FMN1: variants seen among roughly 807,000 people sequenced by gnomAD.
FMN1 encodes formin 1.
Under a neutral mutation model 132.4 loss-of-function variants are expected in FMN1, and 110 were observed. The observed-to-expected ratio is 0.83, with a 90% CI of 0.71 to 0.97. The LOEUF is 0.97. Ranked by LOEUF, FMN1 falls within the 50% of genes least tolerant of loss-of-function variation. FMN1 has a pLI of 0.00. For synonymous variants in FMN1, 722 were observed against 651.7 expected, an observed-to-expected ratio of 1.11 and a Z score of -1.64; for missense variants, 1,792 against 1,705.3, an observed-to-expected ratio of 1.05 and a Z score of -0.90.
intron 6 of FMN1, among the ~76,000 whole-genome samples, chr15:33,014,164 C>CA (rs1489005042): frequency 1.3e-5 from 2 of 152,224 alleles, no homozygotes; most frequent in Non-Finnish European, 2.9e-5. Flanking sequence ...GGTGAATGCT[C>CA]ACTTTGAGAG....
At chr15:33,004,660 C>T (rs1407239320) in intron 7 of FMN1, among the ~76,000 whole-genome samples, 2 of 152,144 alleles carry the variant, frequency 1.3e-5, no homozygotes, top group Admixed American at 6.5e-5. Context: ...ACTAGAAATA[C>T]CATTTGACCC....
At chr15:32,826,051 C>T (rs565745629) in intron 17 of FMN1, among the ~76,000 whole-genome samples, 13 of 152,178 alleles carry the variant, frequency 8.5e-5, no homozygotes, top group Non-Finnish European at 1.9e-4. Flanking sequence ...GTTTGGATAA[C>T]AAAACTCGAA....
chr15:32,836,798 C>A (rs192855471), intron 17 of FMN1, among the ~76,000 whole-genome samples: 394 of 152,254 alleles, frequency 2.6e-3, no homozygotes, highest in African/African-American at 9.1e-3. Context: ...AACGTGCTCA[C>A]TTGGAGCCCA....
chr15:32,861,395 G>A (rs554035657), intron 16 of FMN1, among the ~76,000 whole-genome samples: 6 of 152,272 alleles, frequency 3.9e-5, no homozygotes, highest in African/African-American at 1.4e-4. Context: ...CCATCAAATT[G>A]CTCCAATTTT....
At chr15:32,929,203 T>G (rs1567411088) in intron 9 of FMN1, among the ~76,000 whole-genome samples, 1 of 152,236 alleles carries the variant, frequency 6.6e-6, no homozygotes, top group East Asian at 1.9e-4. Flanking sequence ...TTTTGTATTC[T>G]CTTCCCTACC....
At chr15:33,055,913 A>T (rs1296129644) in intron 6 of FMN1, among the ~76,000 whole-genome samples, 1 of 152,204 alleles carries the variant, frequency 6.6e-6, no homozygotes, top group African/African-American at 2.4e-5. Flanking sequence ...AAAGAGAGAC[A>T]ATTCATTAAA....
intron 10 of FMN1, among the ~76,000 whole-genome samples, chr15:32,914,389 A>C (rs555038746): frequency 6.6e-6 from 1 of 152,340 alleles, no homozygotes; most frequent in East Asian, 1.9e-4. Context: ...GAAGCAGCAG[A>C]TAATAGGCTC....
At position 32,773,428 on chromosome 15, in the gene FMN1, T is replaced by C. The variant is rs1404408997; in HGVS notation, c.*882A>G. ...AACTCGGCTGCGTATCAACACAACA[T>C]TGCCCATTCATGAACGGTCCAAAAT... On this transcript the variant is annotated 3_prime_UTR_variant, in exon 21 of 21. Transcript: ENST00000616417. The C allele has an allele frequency of 6.6e-6, 1 of 152,006 alleles. No individual in the cohort carries two copies. Among genetic ancestry groups the C allele is most frequent in the Non-Finnish European group, 1.5e-5 (1 of 68,010 alleles). The allele number at this position is 152,006 out of a possible 1,614,324, so 9.4% of individuals were successfully genotyped here. A position where few individuals can be genotyped will look rare whatever the true frequency, so the allele number is the denominator to read the frequency against.
At chr15:33,052,329 A>G (rs1435486775) in intron 6 of FMN1, among the ~76,000 whole-genome samples, 2 of 152,220 alleles carry the variant, frequency 1.3e-5, no homozygotes, top group Non-Finnish European at 2.9e-5. Flanking sequence ...AAGACTACAG[A>G]AAAAACATGG....
At chr15:33,113,893 CCTTT>C (rs1052885987) in intron 4 of FMN1, among the ~76,000 whole-genome samples, 5 of 152,180 alleles carry the variant, frequency 3.3e-5, no homozygotes, top group Non-Finnish European at 7.3e-5. Flanking sequence ...TTCTACTGTT[CCTTT>C]AATTAGCCTT....
rs926811248 is a variant in FMN1 at position 33,037,722 on chromosome 15, T to G, written c.2161+27235A>C. Among the ~76,000 whole-genome samples, 20 of 152,242 alleles carry G rather than the reference T, an allele frequency of 1.3e-4. 1 individual carries two copies. The highest frequency in any genetic ancestry group is 1.5e-5 in the Non-Finnish European group (1 of 68,042). ...ATCATGCACATTCCAGGAATCTACA[T>G]TTTTAACATTGTCACAGGTGATTCG... On this transcript the variant is annotated intron_variant, in intron 6 of 20. Transcript: ENST00000616417.
intron 4 of FMN1, among the ~76,000 whole-genome samples, chr15:33,111,998 A>G (rs2039724368): frequency 1.3e-5 from 2 of 152,164 alleles, no homozygotes; most frequent in African/African-American, 4.8e-5. Context: ...TTTTATATGA[A>G]TTGGTTGTAT....
intron 3 of FMN1, among the ~76,000 whole-genome samples, chr15:33,170,183 A>G (rs1343396257): frequency 6.6e-6 from 1 of 152,172 alleles, no homozygotes; most frequent in Non-Finnish European, 1.5e-5. Flanking sequence ...ACCCCCTTCA[A>G]TATACAGTGC....
chr15:33,064,796 T>A, intron 6 of FMN1, 161 bp downstream of exon 6: 1 of 500,936 alleles, frequency 2.0e-6, no homozygotes, highest in Non-Finnish European at 3.5e-6. Flanking sequence ...TAACAATAAG[T>A]GTGCAAAGGT....
At chr15:32,951,771 C>A (rs553529546) in intron 9 of FMN1, among the ~76,000 whole-genome samples, 4 of 152,268 alleles carry the variant, frequency 2.6e-5, no homozygotes, top group African/African-American at 9.6e-5. Context: ...GAAAACTGTA[C>A]GAAGGGGCCT....
intron 10 of FMN1, among the ~76,000 whole-genome samples, chr15:32,917,926 A>T (rs182613508): frequency 6.6e-6 from 1 of 152,224 alleles, no homozygotes; most frequent in Non-Finnish European, 1.5e-5. Context: ...AATTTCATTT[A>T]TTTAGTATAT....
At chr15:32,953,903 T>G (rs951262260) in intron 9 of FMN1, among the ~76,000 whole-genome samples, 3 of 152,200 alleles carry the variant, frequency 2.0e-5, no homozygotes, top group Non-Finnish European at 4.4e-5. Context: ...AAAATCTAAA[T>G]TCACTGTTTC....
rs1223278400 is a variant in FMN1 at position 32,769,232 on chromosome 15, T to C, written c.*5078A>G. On this transcript the variant is annotated 3_prime_UTR_variant, in exon 21 of 21. Transcript: ENST00000616417. Reference sequence around the variant, plus strand: ...AAATCCTAACTTTATATCACAGTATTGGTTAAGAGTCTTGGAACAAATAAG... The same window carrying C: ...AAATCCTAACTTTATATCACAGTATCGGTTAAGAGTCTTGGAACAAATAAG... The C allele has an allele frequency of 2.6e-5, 4 of 152,240 alleles. No individual in the cohort carries two copies. The highest frequency in any genetic ancestry group is 4.8e-5 in the African/African-American group (2 of 41,458). The allele number at this position is 152,240 out of a possible 1,614,324, so 9.4% of individuals were successfully genotyped here. A position where few individuals can be genotyped will look rare whatever the true frequency, so the allele number is the denominator to read the frequency against.
Position 32,864,355 on chromosome 15 carries a change from C to T in FMN1, c.3836-7248G>A, listed in dbSNP as rs563252921. 8.1e-4 allele frequency among the ~76,000 whole-genome samples: 124 copies of T among 152,174 alleles called. No individual in the cohort carries two copies. The South Asian group carries it at 0.024, about 30-fold the overall frequency. On this transcript the variant is annotated intron_variant, in intron 16 of 20. Transcript: ENST00000616417. ...AGGGGAAATCTATTCAAGGAGACAC[C>T]GACATAAGTTAGATTTTGAAAGGGA...
Sources: gnomAD v4.1 joint callset for allele counts (sites outside exome capture counted in the v4.1 genomes callset) on GRCh38, gnomAD v4.1.1 for gene constraint, MANE v1.5 for transcripts, NCBI Gene and HGNC (gene_info 2026-07-23, HGNC 2026-07-21) for gene names.